The following APP variants were observed in gnomAD, a reference collection of about 807,000 sequenced individuals.
APP encodes amyloid-beta precursor protein.
In APP, 31 loss-of-function variants were observed where a neutral mutation model predicts 101.4. The observed-to-expected ratio is 0.31, with a 90% CI of 0.23 to 0.41. The LOEUF is 0.41. APP is among the 10% of genes least tolerant of loss of function. The pLI is 1.00. For synonymous variants in APP, 366 were observed against 364.4 expected, an observed-to-expected ratio of 1.00 and a Z score of -0.05; for missense variants, 839 against 1,003.7, an observed-to-expected ratio of 0.84 and a Z score of 2.22.
intron 11 of APP, among the ~76,000 whole-genome samples, chr21:25,960,713 C>T (rs185448221): frequency 2.0e-5 from 3 of 152,224 alleles, no homozygotes; most frequent in African/African-American, 7.2e-5. Context: ...AGCTGAGATG[C>T]GCATTTTGTG....
At chr21:25,965,182 C>A (rs1258184872) in intron 11 of APP, among the ~76,000 whole-genome samples, 1 of 152,184 alleles carries the variant, frequency 6.6e-6, no homozygotes, top group African/African-American at 2.4e-5. Context: ...AACAGTGAAA[C>A]ATGTGTACAC....
chr21:26,105,059 C>T (rs1236497812), intron 2 of APP, among the ~76,000 whole-genome samples: 2 of 106,326 alleles, frequency 1.9e-5, no homozygotes, highest in Non-Finnish European at 3.7e-5. Context: ...GGTTTCCACG[C>T]ATTTTTTTCA....
intron 6 of APP, among the ~76,000 whole-genome samples, chr21:26,002,612 C>A (rs1039404795): frequency 1.3e-5 from 2 of 152,224 alleles, no homozygotes; most frequent in African/African-American, 4.8e-5. Flanking sequence ...AGCAGTGCCT[C>A]CAGAGCCTGC....
At chr21:26,063,403 G>C (rs965578474) in intron 3 of APP, among the ~76,000 whole-genome samples, 1 of 152,044 alleles carries the variant, frequency 6.6e-6, no homozygotes, top group Non-Finnish European at 1.5e-5. Flanking sequence ...TTAACATCCA[G>C]ATTTTAATAC....
chr21:26,003,758 T>G (rs1015384359), intron 6 of APP, among the ~76,000 whole-genome samples: 4 of 152,168 alleles, frequency 2.6e-5, no homozygotes, highest in African/African-American at 9.7e-5. Flanking sequence ...AGCTTCTCGT[T>G]ATAATTCCCC....
At chr21:25,894,480 G>A (rs1605087) in intron 16 of APP, among the ~76,000 whole-genome samples, 122,036 of 152,208 alleles carry the variant, frequency 0.8, 49,064 homozygotes, top group African/African-American at 0.86. Flanking sequence ...CAGCAATAAC[G>A]GGAGTTTGGA....
In APP at chr21:25,975,067, T is replaced by C. The variant is rs770854298; in HGVS notation, c.1458+3A>G. ...GTGTGAACTCGGCTGCAGCGAGACC[T>C]ACCCGAGGAGGAACAGCCTGCAGAG... is the stretch of plus-strand genomic sequence containing the variant. On this transcript the variant is annotated splice_donor_region_variant and intron_variant, in intron 11 of 17. Coordinates refer to ENST00000346798, the MANE Select transcript of APP (RefSeq NM_000484.4). The C allele has an allele frequency of 6.2e-7, 1 of 1,613,954 alleles. No individual in the cohort carries two copies. Among genetic ancestry groups the C allele is most frequent in the African/African-American group, 1.3e-5 (1 of 74,912 alleles).
chr21:26,019,139 CTTTA>C (rs2044225056), intron 6 of APP, among the ~76,000 whole-genome samples: 1 of 152,224 alleles, frequency 6.6e-6, no homozygotes, highest in East Asian at 1.9e-4. Flanking sequence ...AACAAAATCT[CTTTA>C]TTGTCTCCTG....
chr21:25,985,234 T>C (rs1222546201), intron 8 of APP, among the ~76,000 whole-genome samples: 1 of 152,174 alleles, frequency 6.6e-6, no homozygotes, highest in African/African-American at 2.4e-5. Flanking sequence ...ATCCATTGAA[T>C]CCAGAAATAT....
chr21:26,125,773 G>T (rs142546782), intron 1 of APP, among the ~76,000 whole-genome samples: 3 of 152,348 alleles, frequency 2.0e-5, no homozygotes, highest in African/African-American at 7.2e-5. Flanking sequence ...GGAGTTCTAA[G>T]AGTCAATCTG....
At chr21:25,957,855 A>C (rs1327699302) in intron 11 of APP, among the ~76,000 whole-genome samples, 1 of 152,100 alleles carries the variant, frequency 6.6e-6, no homozygotes, top group African/African-American at 2.4e-5. Flanking sequence ...GCAGTGACAC[A>C]TGCCTGCAGT....
intron 15 of APP, among the ~76,000 whole-genome samples, chr21:25,904,755 GAAA>G (rs578096417): frequency 3.6e-5 from 5 of 138,278 alleles, no homozygotes; most frequent in Non-Finnish European, 6.4e-5. Flanking sequence ...AAAGAAAAAA[GAAA>G]AAAAAAAACC....
intron 3 of APP, among the ~76,000 whole-genome samples, chr21:26,085,630 T>C (rs1490361831): frequency 6.6e-6 from 1 of 152,212 alleles, no homozygotes; most frequent in Non-Finnish European, 1.5e-5. Flanking sequence ...ACTATTGTGT[T>C]GTACTGATGT....
At position 25,925,673 on chromosome 21, in the gene APP, G is replaced by A. The variant is rs963290399; in HGVS notation, c.1688-13711C>T. Among the ~76,000 whole-genome samples, 5 of 152,316 alleles carry A rather than the reference G, an allele frequency of 3.3e-5. 1 individual carries two copies. Among genetic ancestry groups the A allele is most frequent in the Middle Eastern group, 3.4e-3 (1 of 294 alleles). On this transcript the variant is annotated intron_variant, in intron 13 of 17. Transcript: ENST00000346798. ...ATAATGGCTGGGCGTGGTGGCTCAC[G>A]CCTGTAACCCCAGCACTTTGGGAGG... is the stretch of plus-strand genomic sequence containing the variant.
chr21:25,929,385 A>G (rs1462604242), intron 13 of APP, among the ~76,000 whole-genome samples: 1 of 152,120 alleles, frequency 6.6e-6, no homozygotes. Context: ...AATCAAGAGT[A>G]GTGGTTTTTT....
chr21:26,028,786 T>C (rs774814992), intron 5 of APP, among the ~76,000 whole-genome samples: 1 of 152,168 alleles, frequency 6.6e-6, no homozygotes, highest in Non-Finnish European at 1.5e-5. Context: ...GATAAAGCAC[T>C]CAATTTCTTG....
At chr21:25,903,063 A>G (rs1432483004) in intron 15 of APP, among the ~76,000 whole-genome samples, 2 of 136,924 alleles carry the variant, frequency 1.5e-5, no homozygotes, top group Non-Finnish European at 3.1e-5. Context: ...TTTAGATTAA[A>G]AAAAATTTTT....
intron 2 of APP, among the ~76,000 whole-genome samples, chr21:26,096,181 A>G (rs2061938477): frequency 6.6e-6 from 1 of 152,200 alleles, no homozygotes; most frequent in Non-Finnish European, 1.5e-5. Flanking sequence ...CTCTGCACAC[A>G]GTGAAATAAT....
intron 6 of APP, chr21:26,009,873 C>A: frequency 5.8e-6 from 1 of 171,866 alleles, no homozygotes; most frequent in African/African-American, 2.4e-5. Flanking sequence ...ACAGCATGAG[C>A]CATCGTGCCT....
Sources: allele counts gnomAD v4.1 joint callset (sites outside exome capture counted in the v4.1 genomes callset), GRCh38; gene constraint gnomAD v4.1.1; transcripts MANE v1.5; gene names NCBI Gene and HGNC (gene_info 2026-07-23, HGNC 2026-07-21).